NT5DC2: variants seen among roughly 807,000 people sequenced by gnomAD.
The protein encoded by NT5DC2 is 5'-nucleotidase domain-containing protein 2.
In NT5DC2, 41 loss-of-function variants were observed where a neutral mutation model predicts 70.0. The ratio of observed to expected loss-of-function variants is 0.59; its 90% CI spans 0.46 to 0.76. The LOEUF (loss-of-function observed/expected upper bound fraction) is 0.76, where lower values mean the gene tolerates loss of function less well. Ranked by LOEUF, NT5DC2 falls within the 30% of genes least tolerant of loss-of-function variation. NT5DC2 has a pLI of 0.00. For missense variants in NT5DC2, 705 were observed against 783.2 expected (o/e 0.90, Z 1.19); for synonymous variants, 299 against 310.4 (o/e 0.96, Z 0.39).
upstream of NT5DC2, chr3:52,534,335 G>A (rs1269531994): frequency 1.1e-5 from 9 of 828,896 alleles, no homozygotes; most frequent in Non-Finnish European, 1.6e-5. Context: ...ACCAGAGCCC[G>A]GGCCAGTCCA....
At chr3:52,533,441 G>C in intron 1 of NT5DC2, 65 bp downstream of exon 1, 1 of 1,440,244 alleles carries the variant, frequency 6.9e-7, no homozygotes, top group Non-Finnish European at 9.2e-7. Context: ...GCACCCTGGG[G>C]CTCGGTCCGT....
chr3:52,524,697 C>T lies in NT5DC2; in HGVS notation c.1447G>A (p.Gly483Ser), dbSNP rs372618671. 1.9e-5 allele frequency: 30 copies of T among 1,612,626 alleles called. No individual in the cohort carries two copies. Among genetic ancestry groups the T allele is most frequent in the Middle Eastern group, 1.6e-4 (1 of 6,084 alleles). The change falls in exon 14 of 14, where the codon GGC (glycine) becomes AGC (serine). Residue 483 changes from glycine (G) to serine (S), a missense_variant. By Grantham distance (56) the Gly-to-Ser change is moderately conservative. Coordinates refer to ENST00000422318, the MANE Select transcript of NT5DC2 (RefSeq NM_001134231.2). The part of the protein sequence containing the change: ...ITKALFNAQF[G>S]SIFRTFHNPT... ...TTGTGGAAGGTGCGGAAGATGCTGC[C>T]GAACTGCGCATTGAACAGGGCCTTG...
intron 1 of NT5DC2, among the ~76,000 whole-genome samples, chr3:52,530,147 GGGAA>G (rs1387242705): frequency 1.3e-5 from 2 of 152,238 alleles, no homozygotes; most frequent in Non-Finnish European, 2.9e-5. Flanking sequence ...GCTCTAGCCA[GGGAA>G]CATTGCTAAT....
Position 52,533,650 on chromosome 3 carries a change from A to T in NT5DC2, c.88T>A (p.Ser30Thr). The T allele has an allele frequency of 8.5e-7, 1 of 1,181,612 alleles. No individual in the cohort carries two copies. The highest frequency in any genetic ancestry group is 1.0e-6 in the Non-Finnish European group (1 of 956,888). 73.2% of individuals were successfully genotyped at this position (1,181,612 alleles called of 1,614,324 possible). A position where few individuals can be genotyped will look rare whatever the true frequency, so the allele number is the denominator to read the frequency against. The stretch of plus-strand genomic sequence containing the variant: ...CCCGGGGGGCCGCACCCAGGGCAGG[A>T]GGGCGAGGACGAGGCGGCTCGCGGC... Reference protein sequence around the residue: ...GGPRAASSSPSCPGCGPPGPG... With the variant: ...GGPRAASSSPTCPGCGPPGPG... Residue 30 changes from serine to threonine, a missense_variant, in exon 1 of 14, where the codon TCC becomes ACC. Transcript: ENST00000422318.
In NT5DC2 at chr3:52,533,816, C is replaced by T; in HGVS notation, c.-79G>A. On this transcript the variant is annotated 5_prime_UTR_variant, in exon 1 of 14. Coordinates refer to ENST00000422318, the MANE Select transcript of NT5DC2 (RefSeq NM_001134231.2). Reference sequence around the variant, plus strand: ...CCGCCCGCCGCCCTCCGACTGCGCGCCCGCCACGGTGGCCTCGTGCTCCTC... The same window carrying T: ...CCGCCCGCCGCCCTCCGACTGCGCGTCCGCCACGGTGGCCTCGTGCTCCTC... The T allele has an allele frequency of 1.0e-6, 1 of 980,520 alleles. No homozygotes were observed. The highest frequency in any genetic ancestry group is 1.2e-6 in the Non-Finnish European group (1 of 827,804). The allele number at this position is 980,520 out of a possible 1,614,324, so 60.7% of individuals were successfully genotyped here.
intron 1 of NT5DC2, chr3:52,532,493 C>T (rs898417526): frequency 1.2e-5 from 12 of 985,358 alleles, no homozygotes; most frequent in Middle Eastern, 5.2e-4. Flanking sequence ...AGTGATTCTC[C>T]GCCACCCCAC....
rs768220818 is a variant in NT5DC2, at chr3:52,527,894, G to A, written c.870C>T (p.Val290=). The A allele has an allele frequency of 1.1e-5, 17 of 1,613,538 alleles. No individual in the cohort carries two copies. Among genetic ancestry groups the A allele is most frequent in the Non-Finnish European group, 1.4e-5 (17 of 1,180,032 alleles). The change falls in exon 8 of 14, where the codon GTC becomes GTT. Residue 290 remains valine (V), a synonymous_variant. Transcript: ENST00000422318. ...TCCCATGGGCCACCAGGCGGCTCAG[G>A]ACAGCAAACGTCTCATCCCCTCTCA... ...YILRGDETFA[V]LSRLVAHGKQ...
intron 5 of NT5DC2, 65 bp from the exon 6 acceptor site, chr3:52,528,376 G>A: frequency 6.2e-7 from 1 of 1,613,134 alleles, no homozygotes; most frequent in Admixed American, 1.7e-5. Context: ...CTGGAGACGA[G>A]GGCCCCAAAT....
At position 52,524,855 on chromosome 3, in the gene NT5DC2, CT is replaced by C; in HGVS notation, c.1373del (p.Gln458ArgfsTer7). On this transcript the variant is annotated frameshift_variant, in exon 13 of 14. Coordinates refer to ENST00000422318, the MANE Select transcript of NT5DC2 (RefSeq NM_001134231.2). LOFTEE classifies it high-confidence loss of function. ...GCTCTTTCATCCAGGCAGCCAGCAC[CT>C]GCCTCGACTCCGCGTCCTGATAGGT... ...MQTYQDAESR[Q>X]VLAAWMKERQ... The C allele has an allele frequency of 6.2e-7, 1 of 1,612,382 alleles. No homozygotes were observed. The highest frequency in any genetic ancestry group is 8.5e-7 in the Non-Finnish European group (1 of 1,179,764).
At chr3:52,532,329 T>C (rs2079372414) in intron 1 of NT5DC2, 2 of 985,310 alleles carry the variant, frequency 2.0e-6, no homozygotes, top group Non-Finnish European at 2.4e-6. Context: ...CTGAGGGTCT[T>C]CTCCGGGCCC....
At chr3:52,534,580 G>A (rs754726099), upstream of NT5DC2, 6 of 1,613,844 alleles carry the variant, frequency 3.7e-6, no homozygotes, top group Admixed American at 1.0e-4. Context: ...AGATGCTGTG[G>A]TCTTTTCTAG....
chr3:52,525,228 T>G lies in NT5DC2; in HGVS notation c.1187A>C (p.His396Pro), dbSNP rs2079239125. ...RGPRVLYFGD[H>P]LYSDLADLML... ...CCTCACCGCCAGATCACTATAGAGG[T>G]GGTCCCCGAAGTAGAGCACGCGGGG... Residue 396 changes from histidine to proline, a missense_variant, in exon 11 of 14, where the codon CAC becomes CCC. By Grantham distance (77) the His-to-Pro change is moderately conservative. Transcript: ENST00000422318. 65 of 1,609,854 alleles carry G rather than the reference T, an allele frequency of 4.0e-5. No homozygotes were observed. The highest frequency in any genetic ancestry group is 5.5e-5 in the Non-Finnish European group (65 of 1,179,386).
rs1303435542 is a variant in NT5DC2, at chr3:52,533,778, A to AGCCCGCCGCCCGCCGCCCGCC, written c.-62_-42dup. Reference sequence around the variant, plus strand: ...CCCGCCGCCCGCGCTGCCCTCGGCCAGCCCGCCGCCCGCCGCCCGCCGCCC... The same window carrying AGCCCGCCGCCCGCCGCCCGCC: ...CCCGCCGCCCGCGCTGCCCTCGGCCAGCCCGCCGCCCGCCGCCCGCCGCCCGCCGCCCGCCGCCCGCCGCCC... On this transcript the variant is annotated 5_prime_UTR_variant, in exon 1 of 14. Transcript: ENST00000422318. The AGCCCGCCGCCCGCCGCCCGCC allele has an allele frequency of 3.1e-6, 3 of 963,338 alleles. No homozygotes were observed. The highest frequency in any genetic ancestry group is 3.7e-6 in the Non-Finnish European group (3 of 813,696). 59.7% of individuals were successfully genotyped at this position (963,338 alleles called of 1,614,324 possible).
Position 52,524,449 on chromosome 3 carries a change from T to A in NT5DC2, c.*21A>T. On this transcript the variant is annotated 3_prime_UTR_variant, in exon 14 of 14. Coordinates refer to ENST00000422318, the MANE Select transcript of NT5DC2 (RefSeq NM_001134231.2). ...TGGGGCAGGAGGGGCTGAGGGCCTGTCCCAGACAATAAAGGTGCCCTCAGC... is the reference window on the plus strand; with the variant it reads ...TGGGGCAGGAGGGGCTGAGGGCCTGACCCAGACAATAAAGGTGCCCTCAGC... 6.2e-7 allele frequency: 1 copy of A among 1,612,534 alleles called. No homozygotes were observed. Among genetic ancestry groups the A allele is most frequent in the Non-Finnish European group, 8.5e-7 (1 of 1,179,802 alleles).
In NT5DC2 at chr3:52,525,084, C is replaced by A. The variant is rs777982648; in HGVS notation, c.1226G>T (p.Gly409Val). The A allele has an allele frequency of 1.3e-6, 2 of 1,586,140 alleles. No individual in the cohort carries two copies. Among genetic ancestry groups the A allele is most frequent in the Non-Finnish European group, 1.7e-6 (2 of 1,167,584 alleles). ...GGGGATGATGGCGCCTGTGCGCCAG[C>A]CGTGCCGCAGCATGAGATCCTGGTG... ...SDLADLMLRH[G>V]WRTGAIIPEL... Residue 409 changes from glycine to valine, a missense_variant, in exon 12 of 14, where the codon GGC becomes GTC. Gly to Val is a moderately radical substitution (Grantham distance 109). Coordinates refer to ENST00000422318, the MANE Select transcript of NT5DC2 (RefSeq NM_001134231.2).
chr3:52,530,344 G>A (rs1359593501), intron 1 of NT5DC2, among the ~76,000 whole-genome samples: 1 of 152,208 alleles, frequency 6.6e-6, no homozygotes, highest in African/African-American at 2.4e-5. Context: ...CAAGGAGGCA[G>A]ATGGGGCTGA....
At chr3:52,533,414 G>A in intron 1 of NT5DC2, 92 bp downstream of exon 1, 1 of 1,337,246 alleles carries the variant, frequency 7.5e-7, no homozygotes. Flanking sequence ...CCCACTGGGT[G>A]TTTCCCCGGA....
chr3:52,534,851 G>A, upstream of NT5DC2: 1 of 630,804 alleles, frequency 1.6e-6, no homozygotes, highest in Non-Finnish European at 2.7e-6. Flanking sequence ...AAGACCTACA[G>A]TGTGGCAGTC....
chr3:52,524,766 G>T (rs201046374), intron 13 of NT5DC2, 35 bp from the exon 14 acceptor site: 47 of 1,612,494 alleles, frequency 2.9e-5, no homozygotes, highest in Non-Finnish European at 3.8e-5. Context: ...CAAGGGGTGG[G>T]CCTGGGGTGG....
Sources: allele counts gnomAD v4.1 joint callset (sites outside exome capture counted in the v4.1 genomes callset), GRCh38; gene constraint gnomAD v4.1.1; transcripts MANE v1.5; gene names NCBI Gene and HGNC (gene_info 2026-07-23, HGNC 2026-07-21).